Variants in DOCK1 observed in about 807,000 individuals in gnomAD.
The protein encoded by DOCK1 is dedicator of cytokinesis protein 1.
Under a neutral mutation model 262.7 loss-of-function variants are expected in DOCK1, and 138 were observed. The ratio of observed to expected loss-of-function variants is 0.53; its 90% CI spans 0.46 to 0.61. The LOEUF (loss-of-function observed/expected upper bound fraction) is 0.61. Ranked by LOEUF, DOCK1 falls within the 20% of genes least tolerant of loss-of-function variation. The probability of loss-of-function intolerance (pLI) is 0.00; values close to 1 mark genes in which losing one functional copy is unlikely to be tolerated. For missense variants in DOCK1, 1,908 were observed against 2,370.7 expected, an observed-to-expected ratio of 0.80 and a Z score of 4.05; for synonymous variants, 866 against 867.4, an observed-to-expected ratio of 1.00 and a Z score of 0.03.
At chr10:127,300,657 T>A (rs1039170658) in intron 29 of DOCK1, among the ~76,000 whole-genome samples, 1 of 152,216 alleles carries the variant, frequency 6.6e-6, no homozygotes, top group African/African-American at 2.4e-5. Context: ...GCCTGGTTGA[T>A]CCATCTTCGA....
chr10:127,337,368 T>G (rs1199524532), intron 29 of DOCK1, among the ~76,000 whole-genome samples: 2 of 152,216 alleles, frequency 1.3e-5, no homozygotes, highest in Non-Finnish European at 2.9e-5. Flanking sequence ...ACTGGGGGGC[T>G]GATTAGAGTT....
chr10:127,197,720 C>T (rs576302524), intron 27 of DOCK1, among the ~76,000 whole-genome samples: 15 of 152,306 alleles, frequency 9.8e-5, no homozygotes, highest in Admixed American at 9.1e-4. Context: ...ATCCCTGAGT[C>T]TCTGCACCTA....
intron 1 of DOCK1, among the ~76,000 whole-genome samples, chr10:126,946,750 C>T (rs919465230): frequency 2.8e-4 from 42 of 152,324 alleles, no homozygotes; most frequent in African/African-American, 1.0e-3. Context: ...GTCAACACTT[C>T]CTTGCTCTGA....
At chr10:127,310,167 G>A (rs188497866) in intron 29 of DOCK1, among the ~76,000 whole-genome samples, 47 of 152,246 alleles carry the variant, frequency 3.1e-4, no homozygotes, top group African/African-American at 9.4e-4. Context: ...GAGCCACTGC[G>A]CCCGGCCTGC....
chr10:126,943,748 T>C (rs2134274848), intron 1 of DOCK1, among the ~76,000 whole-genome samples: 1 of 152,080 alleles, frequency 6.6e-6, no homozygotes, highest in South Asian at 2.1e-4. Context: ...GCTTTTTAAA[T>C]AGGTGCTTTG....
intron 21 of DOCK1, among the ~76,000 whole-genome samples, chr10:127,044,406 G>A (rs2044208759): frequency 6.6e-6 from 1 of 152,144 alleles, no homozygotes; most frequent in Admixed American, 6.5e-5. Flanking sequence ...CTAGTTCTTT[G>A]CACTTGCTTG....
chr10:127,328,894 T>C (rs913870008), intron 29 of DOCK1, among the ~76,000 whole-genome samples: 4 of 151,910 alleles, frequency 2.6e-5, no homozygotes, highest in Non-Finnish European at 5.9e-5. Flanking sequence ...AAACATGCCC[T>C]CTTTCCTTCT....
intron 29 of DOCK1, among the ~76,000 whole-genome samples, chr10:127,292,494 C>G (rs1465327753): frequency 2.0e-5 from 3 of 152,140 alleles, no homozygotes; most frequent in Non-Finnish European, 4.4e-5. Context: ...GTGTTTGTCA[C>G]CGGAGCTTCA....
At chr10:126,991,280 T>A (rs1004812009) in intron 6 of DOCK1, among the ~76,000 whole-genome samples, 2 of 152,148 alleles carry the variant, frequency 1.3e-5, no homozygotes, top group African/African-American at 4.8e-5. Context: ...GCTGCTCTGA[T>A]CCTAATTCTG....
intron 45 of DOCK1, among the ~76,000 whole-genome samples, 175 bp downstream of exon 45, chr10:127,418,716 G>C (rs569488679): frequency 6.6e-6 from 1 of 152,338 alleles, no homozygotes; most frequent in East Asian, 1.9e-4. Context: ...CTGCAGCAAG[G>C]TCAAGGCCGG....
At chr10:127,298,914 G>A (rs780051546) in intron 29 of DOCK1, among the ~76,000 whole-genome samples, 9 of 152,166 alleles carry the variant, frequency 5.9e-5, no homozygotes, top group African/African-American at 1.2e-4. Context: ...TAATTCGGAT[G>A]ATCTCGAGGT....
intron 27 of DOCK1, among the ~76,000 whole-genome samples, chr10:127,168,643 G>A (rs1485738083): frequency 6.6e-6 from 1 of 152,208 alleles, no homozygotes; most frequent in Non-Finnish European, 1.5e-5. Context: ...TATTAAGTGG[G>A]TAGGTTTTGG....
At chr10:127,017,027 T>C (rs1169023159) in intron 12 of DOCK1, among the ~76,000 whole-genome samples, 1 of 41,616 alleles carries the variant, frequency 2.4e-5, no homozygotes. Context: ...GATATGCAGA[T>C]ACAGATACCA....
intron 1 of DOCK1, among the ~76,000 whole-genome samples, chr10:126,964,500 T>G (rs74192188): frequency 0.55 from 83,051 of 152,164 alleles, 23,819 homozygotes; most frequent in African/African-American, 0.71. Flanking sequence ...GACGTGGCCT[T>G]TGTTTTCCCC....
chr10:127,046,640 A>G (rs1431478839), intron 21 of DOCK1, among the ~76,000 whole-genome samples: 2 of 151,714 alleles, frequency 1.3e-5, no homozygotes, highest in Non-Finnish European at 2.9e-5. Context: ...AGGTGCCTGT[A>G]ATCCCAGCTA....
At chr10:127,114,557 G>A (rs2049055129) in intron 25 of DOCK1, among the ~76,000 whole-genome samples, 1 of 152,046 alleles carries the variant, frequency 6.6e-6, no homozygotes, top group Non-Finnish European at 1.5e-5. Flanking sequence ...ATTTGCATCT[G>A]ATCTAATCAT....
At chr10:126,958,171 C>T in intron 1 of DOCK1, among the ~76,000 whole-genome samples, 1 of 152,188 alleles carries the variant, frequency 6.6e-6, no homozygotes, top group East Asian at 1.9e-4. Context: ...CACCTAAAGA[C>T]TGTGTGTTTT....
intron 1 of DOCK1, among the ~76,000 whole-genome samples, chr10:126,955,545 G>C (rs1388526711): frequency 1.3e-5 from 2 of 152,192 alleles, no homozygotes; most frequent in Non-Finnish European, 2.9e-5. Context: ...CATGTTCGGG[G>C]CACAAGGGTT....
rs559285367 is a variant in DOCK1, at chr10:127,263,068, G to C, written c.3044+5639G>C. Reference sequence around the variant, plus strand: ...TCCCAAGAGAGTGTTAGGAGTTTTTGTTTTGTCTTTATTCGAGTGTCCATA... The same window carrying C: ...TCCCAAGAGAGTGTTAGGAGTTTTTCTTTTGTCTTTATTCGAGTGTCCATA... On this transcript the variant is annotated intron_variant, in intron 29 of 51. Transcript: ENST00000623213. Among the ~76,000 whole-genome samples, 18 of 152,264 alleles carry C rather than the reference G, an allele frequency of 1.2e-4. No homozygotes were observed. The South Asian group carries it at 2.9e-3, about 25-fold the overall frequency.
Sources: allele counts gnomAD v4.1 joint callset (sites outside exome capture counted in the v4.1 genomes callset), GRCh38; gene constraint gnomAD v4.1.1; transcripts MANE v1.5; gene names NCBI Gene and HGNC (gene_info 2026-07-23, HGNC 2026-07-21).